ATP9A: variants seen among roughly 807,000 people sequenced by gnomAD.
ATP9A encodes probable phospholipid-transporting ATPase IIA.
Under a neutral mutation model 144.1 loss-of-function variants are expected in ATP9A, and 52 were observed. That is an observed-to-expected ratio of 0.36 (90% CI 0.29 to 0.45). ATP9A has a LOEUF of 0.45. Ranked by LOEUF, ATP9A falls within the 20% of genes least tolerant of loss-of-function variation. The pLI is 1.00. For missense variants in ATP9A, 947 were observed against 1,392.7 expected (o/e 0.68, Z 5.09); for synonymous variants, 582 against 557.4 (o/e 1.04, Z -0.62).
At chr20:51,645,223 TCAAAA>T (rs1360163520) in intron 14 of ATP9A, among the ~76,000 whole-genome samples, 5 of 152,138 alleles carry the variant, frequency 3.3e-5, no homozygotes, top group Admixed American at 6.6e-5. Flanking sequence ...ACCATCCTAA[TCAAAA>T]CCTCTGCAGG....
At chr20:51,678,680 C>T (rs1000130004) in intron 9 of ATP9A, among the ~76,000 whole-genome samples, 2 of 152,212 alleles carry the variant, frequency 1.3e-5, no homozygotes, top group African/African-American at 4.8e-5. Context: ...AATGACCACA[C>T]GACCGCTGCA....
At chr20:51,617,761 G>A (rs1009377931) in intron 21 of ATP9A, among the ~76,000 whole-genome samples, 1 of 152,188 alleles carries the variant, frequency 6.6e-6, no homozygotes, top group African/African-American at 2.4e-5. Context: ...CAGGCGGCTT[G>A]CCAAGGGTCC....
In ATP9A at chr20:51,674,510, A is replaced by C. The variant is rs114212995; in HGVS notation, c.877-197T>G. ...CATCGATCCTCATATCTTTGGTCTA[A>C]GAACACTGCTTCCATGGGCTGGTGT... On this transcript the variant is annotated intron_variant, in intron 10 of 27. Transcript: ENST00000338821. 7.4e-3 allele frequency among the ~76,000 whole-genome samples: 1,122 copies of C among 152,272 alleles called. 13 individuals carry two copies. Among genetic ancestry groups the C allele is most frequent in the African/African-American group, 0.026 (1,065 of 41,554 alleles).
At chr20:51,712,406 C>G (rs2077643634) in intron 4 of ATP9A, among the ~76,000 whole-genome samples, 1 of 152,160 alleles carries the variant, frequency 6.6e-6, no homozygotes, top group South Asian at 2.1e-4. Flanking sequence ...GAGCCCAATA[C>G]ATATAACTCT....
At chr20:51,645,436 C>T (rs1265484120) in intron 14 of ATP9A, among the ~76,000 whole-genome samples, 1 of 152,094 alleles carries the variant, frequency 6.6e-6, no homozygotes, top group African/African-American at 2.4e-5. Flanking sequence ...AGGAGAATGG[C>T]GTGAACCCGG....
intron 14 of ATP9A, among the ~76,000 whole-genome samples, chr20:51,652,750 T>A (rs1267253161): frequency 6.6e-6 from 1 of 152,180 alleles, no homozygotes; most frequent in Admixed American, 6.5e-5. Flanking sequence ...GATCAATGCA[T>A]TCATGTGTTC....
intron 9 of ATP9A, among the ~76,000 whole-genome samples, chr20:51,686,741 C>G (rs1411066507): frequency 1.3e-5 from 2 of 152,102 alleles, no homozygotes; most frequent in African/African-American, 2.4e-5. Context: ...TCGAGACCAG[C>G]CTGGCCAACA....
At chr20:51,730,411 T>C (rs2077735739) in intron 1 of ATP9A, among the ~76,000 whole-genome samples, 1 of 152,204 alleles carries the variant, frequency 6.6e-6, no homozygotes, top group Non-Finnish European at 1.5e-5. Context: ...GAGGTCGCAG[T>C]GAGCCAAGAT....
Position 51,622,192 on chromosome 20 carries a change from G to C in ATP9A, c.2017-20C>G, listed in dbSNP as rs1451165206. 6.2e-7 allele frequency: 1 copy of C among 1,607,560 alleles called. No individual in the cohort carries two copies. The highest frequency in any genetic ancestry group is 1.1e-5 in the South Asian group (1 of 90,896). ...CCAAACCTGAAATCATGGCGTGACA[G>C]AGGTCCTGTTTATTAGTTTTTGAGG... is the stretch of plus-strand genomic sequence containing the variant. On this transcript the variant is annotated intron_variant, in intron 18 of 27. Coordinates refer to ENST00000338821, the MANE Select transcript of ATP9A (RefSeq NM_006045.3).
chr20:51,767,543 T>A (rs201093496), intron 1 of ATP9A, among the ~76,000 whole-genome samples: 1 of 152,184 alleles, frequency 6.6e-6, no homozygotes, highest in East Asian at 1.9e-4. Flanking sequence ...TCTTCCCAAA[T>A]GCAGAAAAAC....
At chr20:51,735,897 C>T (rs1438855877) in intron 1 of ATP9A, among the ~76,000 whole-genome samples, 2 of 152,196 alleles carry the variant, frequency 1.3e-5, no homozygotes, top group Non-Finnish European at 2.9e-5. Flanking sequence ...GCCTAGGCAC[C>T]GGGCATTCAG....
At chr20:51,694,778 C>T (rs546128277) in intron 6 of ATP9A, among the ~76,000 whole-genome samples, 21 of 152,322 alleles carry the variant, frequency 1.4e-4, no homozygotes, top group African/African-American at 4.1e-4. Context: ...TATACTCCAT[C>T]AGATACAGAA....
In ATP9A at chr20:51,750,868, C is replaced by A. The variant is rs570715520; in HGVS notation, c.68+17434G>T. ...AAATGGCAGGAACCCAGCAGAGACA[C>A]ACCAAGGGTCCCCACTGGCACTGCC... On this transcript the variant is annotated intron_variant, in intron 1 of 27. Transcript: ENST00000338821. Among the ~76,000 whole-genome samples the A allele has an allele frequency of 2.0e-5, 3 of 152,234 alleles. No homozygotes were observed. The South Asian group carries it at 6.3e-4, about 32-fold the overall frequency.
intron 14 of ATP9A, among the ~76,000 whole-genome samples, chr20:51,649,281 C>T (rs1266952816): frequency 1.3e-5 from 2 of 152,122 alleles, no homozygotes; most frequent in African/African-American, 4.8e-5. Context: ...AAGCCATCAT[C>T]CCCTGGGGAG....
intron 14 of ATP9A, among the ~76,000 whole-genome samples, chr20:51,648,293 T>C (rs1257748380): frequency 1.3e-5 from 2 of 152,146 alleles, no homozygotes; most frequent in Non-Finnish European, 2.9e-5. Context: ...CCCGGCACCA[T>C]GTACTTGAGC....
chr20:51,745,149 C>T (rs895110174), intron 1 of ATP9A, among the ~76,000 whole-genome samples: 1 of 152,010 alleles, frequency 6.6e-6, no homozygotes, highest in African/African-American at 2.4e-5. Flanking sequence ...TGGCTGTAGT[C>T]CCAGCTACTG....
At chr20:51,682,507 A>G in intron 9 of ATP9A, among the ~76,000 whole-genome samples, 1 of 139,588 alleles carries the variant, frequency 7.2e-6, no homozygotes, top group Non-Finnish European at 1.5e-5. Flanking sequence ...ACGCCTCTTT[A>G]TTCCACCCAA....
At chr20:51,711,498 C>T (rs1848670148) in intron 4 of ATP9A, among the ~76,000 whole-genome samples, 1 of 152,180 alleles carries the variant, frequency 6.6e-6, no homozygotes, top group African/African-American at 2.4e-5. Context: ...TATCTCTTTC[C>T]AAATTCTCAA....
chr20:51,720,873 A>G (rs915351602), intron 3 of ATP9A, among the ~76,000 whole-genome samples: 4 of 152,148 alleles, frequency 2.6e-5, no homozygotes, highest in East Asian at 1.9e-4. Flanking sequence ...GATGATCACA[A>G]TATCAGTGCT....
Sources: allele counts gnomAD v4.1 joint callset (sites outside exome capture counted in the v4.1 genomes callset), GRCh38; gene constraint gnomAD v4.1.1; transcripts MANE v1.5; gene names NCBI Gene and HGNC (gene_info 2026-07-23, HGNC 2026-07-21).